Variants in ZNF462 observed in about 807,000 individuals in gnomAD.
The protein encoded by ZNF462 is zinc finger protein 462, also known as zinc finger PBX1-interacting protein.
Under a neutral mutation model 201.9 loss-of-function variants are expected in ZNF462, and 10 were observed. The observed-to-expected ratio is 0.05, with a 90% CI of 0.03 to 0.08. ZNF462 has a LOEUF of 0.08. ZNF462 is among the 10% of genes least tolerant of loss of function. The pLI is 1.00. For synonymous variants in ZNF462, 1,227 were observed against 1,193.3 expected (o/e 1.03, Z -0.58); for missense variants, 2,523 against 3,168.3 (o/e 0.80, Z 4.89).
chr9:106,969,967 T>C (rs1826505552), intron 7 of ZNF462, among the ~76,000 whole-genome samples: 1 of 152,090 alleles, frequency 6.6e-6, no homozygotes, highest in African/African-American at 2.4e-5. Flanking sequence ...TTGTGCTTCA[T>C]TGTGCATGTG....
In ZNF462 at chr9:106,893,210, C is replaced by T. The variant is rs115101848; in HGVS notation, c.-31+29855C>T. 5.6e-3 allele frequency among the ~76,000 whole-genome samples: 859 copies of T among 152,282 alleles called. 9 individuals carry two copies. The highest frequency in any genetic ancestry group is 0.02 in the African/African-American group (820 of 41,556). ...GAGACCCACAGAGGTCAAGCAACTT[C>T]CCCAAAATCATAGCTGGTTGATTGC... On this transcript the variant is annotated intron_variant, in intron 1 of 12. Transcript: ENST00000277225.
intron 1 of ZNF462, among the ~76,000 whole-genome samples, chr9:106,867,627 A>G (rs1480435337): frequency 1.3e-5 from 2 of 151,866 alleles, no homozygotes; most frequent in Non-Finnish European, 2.9e-5. Context: ...TCCGGAAGAC[A>G]GCAGAAGAAA....
intron 1 of ZNF462, among the ~76,000 whole-genome samples, chr9:106,908,049 G>T (rs1475357503): frequency 6.6e-6 from 1 of 151,826 alleles, no homozygotes; most frequent in Non-Finnish European, 1.5e-5. Context: ...TTCACTGTAA[G>T]TAGAAATTGT....
chr9:106,906,243 G>A (rs150912183), intron 1 of ZNF462, among the ~76,000 whole-genome samples: 1 of 152,228 alleles, frequency 6.6e-6, no homozygotes, highest in Admixed American at 6.5e-5. Context: ...AGTATTTGCA[G>A]TGTCTCCTGG....
rs200850486 is a variant in ZNF462, at chr9:106,953,107, C to T, written c.6427+14000C>T. Among the ~76,000 whole-genome samples, 18 of 152,314 alleles carry T rather than the reference C, an allele frequency of 1.2e-4. No homozygotes were observed. The East Asian group carries it at 2.5e-3, about 21-fold the overall frequency. Reference sequence around the variant, plus strand: ...ATGTGACCTTCTGCGATCTTATCTTCCAAATCTCTTGGAAGGAAAAAACCA... The same window carrying T: ...ATGTGACCTTCTGCGATCTTATCTTTCAAATCTCTTGGAAGGAAAAAACCA... On this transcript the variant is annotated intron_variant, in intron 7 of 12. Transcript: ENST00000277225.
intron 1 of ZNF462, among the ~76,000 whole-genome samples, chr9:106,910,954 G>A (rs1467999589): frequency 6.6e-6 from 1 of 152,258 alleles, no homozygotes; most frequent in Non-Finnish European, 1.5e-5. Flanking sequence ...TATTTATCAC[G>A]AAAGCGTCAT....
At position 106,870,202 on chromosome 9, in the gene ZNF462, C is replaced by G. The variant is rs1827528427; in HGVS notation, c.-31+6847C>G. 1.3e-5 allele frequency among the ~76,000 whole-genome samples: 2 copies of G among 152,108 alleles called. No individual in the cohort carries two copies. Among genetic ancestry groups the G allele is most frequent in the South Asian group, 2.1e-4 (1 of 4,824 alleles). On this transcript the variant is annotated intron_variant, in intron 1 of 12. Coordinates refer to ENST00000277225, the MANE Select transcript of ZNF462 (RefSeq NM_021224.6). This position sits in a 1 kb window ranked among gnomAD's most constrained non-coding sequence, Gnocchi z 4.3. ...AGTATTGTCACCTACAAATGCATTGCCTTTTACTTCTGGTGAGCACATTAC... is the reference window on the plus strand; with the variant it reads ...AGTATTGTCACCTACAAATGCATTGGCTTTTACTTCTGGTGAGCACATTAC...
intron 1 of ZNF462, among the ~76,000 whole-genome samples, chr9:106,909,889 A>G (rs1162389029): frequency 6.6e-6 from 1 of 152,250 alleles, no homozygotes; most frequent in East Asian, 1.9e-4. Context: ...TCAACTAAGT[A>G]TTTTCTACCA....
chr9:107,010,219 C>G lies in ZNF462; in HGVS notation c.7313+551C>G, dbSNP rs969094902. On this transcript the variant is annotated intron_variant, in intron 12 of 12. Coordinates refer to ENST00000277225, the MANE Select transcript of ZNF462 (RefSeq NM_021224.6). The surrounding 1 kb of genome is among the most constrained non-coding windows in gnomAD (Gnocchi z 4.6). ...ATGCAGAGAGAACCTAGGATGTGGTCTTTTCAGGAGGAAACATGGCTTGTG... is the reference window on the plus strand; with the variant it reads ...ATGCAGAGAGAACCTAGGATGTGGTGTTTTCAGGAGGAAACATGGCTTGTG... 6.6e-6 allele frequency among the ~76,000 whole-genome samples: 1 copy of G among 152,104 alleles called. No homozygotes were observed. Among genetic ancestry groups the G allele is most frequent in the African/African-American group, 2.4e-5 (1 of 41,406 alleles).
chr9:106,866,457 G>C (rs530731525), intron 1 of ZNF462, among the ~76,000 whole-genome samples: 12 of 152,216 alleles, frequency 7.9e-5, no homozygotes, highest in Middle Eastern at 3.4e-3. Flanking sequence ...TGAAAGGAGA[G>C]GGGAAATACA....
chr9:106,874,307 C>T (rs908811255), intron 1 of ZNF462, among the ~76,000 whole-genome samples: 5 of 152,172 alleles, frequency 3.3e-5, no homozygotes, highest in African/African-American at 9.7e-5. Context: ...CCTCAGAGAG[C>T]AGCCTGTCTC....
At chr9:106,957,111 T>C (rs1299131302) in intron 7 of ZNF462, among the ~76,000 whole-genome samples, 1 of 152,206 alleles carries the variant, frequency 6.6e-6, no homozygotes, top group Admixed American at 6.5e-5. Context: ...GCTTTCAGCA[T>C]GCCTTCCTCA....
chr9:106,952,272 C>T (rs1448029132), intron 7 of ZNF462, among the ~76,000 whole-genome samples: 1 of 152,048 alleles, frequency 6.6e-6, no homozygotes, highest in Non-Finnish European at 1.5e-5. Flanking sequence ...AATAATGATG[C>T]CGACTTTATG....
chr9:106,931,435 C>T (rs1830420884), intron 4 of ZNF462, among the ~76,000 whole-genome samples: 1 of 152,172 alleles, frequency 6.6e-6, no homozygotes, highest in Admixed American at 6.5e-5. Flanking sequence ...TCTAAGGGTA[C>T]ACGCGAACAT....
intron 1 of ZNF462, among the ~76,000 whole-genome samples, chr9:106,910,753 C>CA (rs59194232): frequency 0.09 from 13,706 of 152,058 alleles, 1,397 homozygotes; most frequent in African/African-American, 0.25. Flanking sequence ...CAGTGTGAGA[C>CA]AATTAGCCAC....
chr9:107,009,747 C>G lies in ZNF462; in HGVS notation c.7313+79C>G. On this transcript the variant is annotated intron_variant, in intron 12 of 12. Transcript: ENST00000277225. This position sits in a 1 kb window ranked among gnomAD's most constrained non-coding sequence, Gnocchi z 6.1. ...AGGGAGGGGCTCTTGTTTTGGTTCC[C>G]CTGACAGTATGTACACCCCTCTGTG... 6.3e-7 allele frequency: 1 copy of G among 1,586,260 alleles called. No homozygotes were observed. Among genetic ancestry groups the G allele is most frequent in the East Asian group, 2.3e-5 (1 of 44,334 alleles).
In ZNF462 at chr9:106,928,182, G is replaced by A. The variant is rs770109389; in HGVS notation, c.4270G>A (p.Ala1424Thr). 3.1e-6 allele frequency: 5 copies of A among 1,614,142 alleles called. No homozygotes were observed. In the South Asian group the frequency reaches 5.5e-5, roughly 18 times the overall value. The change falls in exon 3 of 13, where the codon GCA (alanine) becomes ACA (threonine). Residue 1424 changes from alanine to threonine, a missense_variant. By Grantham distance (58) the Ala-to-Thr change is moderately conservative (BLOSUM62 0). Around this residue, in one of 15 missense-constraint regions of ZNF462, gnomAD observed 165 missense variants for 142.6 expected, o/e 1.16. Coordinates refer to ENST00000277225, the MANE Select transcript of ZNF462 (RefSeq NM_021224.6). This position sits in a 1 kb window ranked among gnomAD's most constrained non-coding sequence, Gnocchi z 9.3. ...GCCCATTCTTTCATCCGAAGAGTTG[G>A]CAGGCCCTGTGAATTGTGAAAACAG... The part of the protein sequence containing the change: ...EKPILSSEEL[A>T]GPVNCENSIP...
upstream of ZNF462, among the ~76,000 whole-genome samples, chr9:106,862,529 T>TCTCCTTCTCCTTTGC (rs202115069): frequency 2.5e-4 from 38 of 151,934 alleles, no homozygotes; most frequent in Admixed American, 1.5e-3. The surrounding 1 kb of genome is among the most constrained non-coding windows in gnomAD (Gnocchi z 4.2). Flanking sequence ...CTCTTCCCCT[T>TCTCCTTCTCCTTTGC]CTCCTTCTCC....
At chr9:106,862,517 C>T (rs932499835), upstream of ZNF462, among the ~76,000 whole-genome samples, 6 of 152,060 alleles carry the variant, frequency 3.9e-5, no homozygotes, top group African/African-American at 1.4e-4. The surrounding 1 kb of genome is among the most constrained non-coding windows in gnomAD (Gnocchi z 4.2). Context: ...CATCTCATCT[C>T]CCTCTTCCCC....
Sources: allele counts gnomAD v4.1 joint callset (sites outside exome capture counted in the v4.1 genomes callset), GRCh38; gene constraint gnomAD v4.1.1; regional missense constraint gnomAD v4.1.1; non-coding constraint Gnocchi (gnomAD v3.1); transcripts MANE v1.5; gene names NCBI Gene and HGNC (gene_info 2026-07-23, HGNC 2026-07-21).